The following LTBP2 variants were observed in gnomAD, a reference collection of about 807,000 sequenced individuals.
LTBP2 encodes latent-transforming growth factor beta-binding protein 2.
Under a neutral mutation model 210.6 loss-of-function variants are expected in LTBP2, and 103 were observed. That is an observed-to-expected ratio of 0.49 (90% CI 0.42 to 0.58). The LOEUF (loss-of-function observed/expected upper bound fraction) is 0.58. LTBP2 is among the 20% of genes least tolerant of loss of function. The pLI, the probability that LTBP2 is intolerant of heterozygous loss-of-function variation, is 0.00. For missense variants in LTBP2, 2,313 were observed against 2,494.5 expected (o/e 0.93, Z 1.55); for synonymous variants, 1,007 against 1,015.0 (o/e 0.99, Z 0.15).
chr14:74,561,555 C>T (rs1237685948), intron 3 of LTBP2, among the ~76,000 whole-genome samples: 1 of 152,136 alleles, frequency 6.6e-6, no homozygotes, highest in Non-Finnish European at 1.5e-5. Flanking sequence ...AGTGGCCACT[C>T]TTTAAGAATG....
At chr14:74,502,536 G>T (rs760064438) in intron 34 of LTBP2, 117 bp downstream of exon 34, 3 of 1,441,890 alleles carry the variant, frequency 2.1e-6, no homozygotes, top group East Asian at 2.3e-5. Context: ...CTCTGGCTTG[G>T]TGTGTCTTTC....
chr14:74,564,343 ATT>A (rs1351869043), intron 3 of LTBP2, among the ~76,000 whole-genome samples: 3 of 4,156 alleles, frequency 7.2e-4, no homozygotes, highest in African/African-American at 1.4e-3. Flanking sequence ...ATATATATAT[ATT>A]TATATATATT....
rs989175208 is a variant in LTBP2 at position 74,524,700 on chromosome 14, C to T, written c.2530+424G>A. On this transcript the variant is annotated intron_variant, in intron 15 of 35. Transcript: ENST00000261978. ...TGAGAAATAGAACCATGTTCCTTCC[C>T]GAAAATCAGCCCTCCCCGTGGGCAG... is the stretch of plus-strand genomic sequence containing the variant. Among the ~76,000 whole-genome samples the T allele has an allele frequency of 2.0e-5, 3 of 152,174 alleles. 1 individual carries two copies. Among genetic ancestry groups the T allele is most frequent in the East Asian group, 1.9e-4 (1 of 5,186 alleles).
At chr14:74,514,100 T>C (rs1326872565) in intron 18 of LTBP2, among the ~76,000 whole-genome samples, 1 of 152,228 alleles carries the variant, frequency 6.6e-6, no homozygotes, top group Non-Finnish European at 1.5e-5. Context: ...AAGCAGATTC[T>C]ATTACCAGCT....
intron 8 of LTBP2, among the ~76,000 whole-genome samples, chr14:74,537,957 G>A (rs1338913533): frequency 1.3e-5 from 2 of 152,174 alleles, no homozygotes; most frequent in Non-Finnish European, 2.9e-5. Context: ...GTTTCACCAT[G>A]TTGGCCAGGC....
intron 3 of LTBP2, among the ~76,000 whole-genome samples, chr14:74,584,392 G>A (rs2088176212): frequency 6.6e-6 from 1 of 152,128 alleles, no homozygotes; most frequent in Non-Finnish European, 1.5e-5. Context: ...AATCCCACAA[G>A]CCAAAAGAGA....
At chr14:74,558,208 T>C (rs2139755613) in intron 3 of LTBP2, among the ~76,000 whole-genome samples, 1 of 152,280 alleles carries the variant, frequency 6.6e-6, no homozygotes, top group South Asian at 2.1e-4. Context: ...GAGACCAGCC[T>C]GACCAACAGA....
At chr14:74,527,914 A>T (rs879832735) in intron 12 of LTBP2, among the ~76,000 whole-genome samples, 13 of 152,178 alleles carry the variant, frequency 8.5e-5, no homozygotes, top group Non-Finnish European at 1.5e-4. Context: ...CCAATCACAT[A>T]GTTTGCTGGC....
At chr14:74,594,774 C>T (rs1310543732) in intron 2 of LTBP2, among the ~76,000 whole-genome samples, 1 of 152,226 alleles carries the variant, frequency 6.6e-6, no homozygotes, top group African/African-American at 2.4e-5. Flanking sequence ...TCCCCTAGCC[C>T]AGGGAATCCC....
intron 3 of LTBP2, among the ~76,000 whole-genome samples, chr14:74,579,958 A>C (rs138354860): frequency 1.8e-3 from 271 of 152,312 alleles, no homozygotes; most frequent in African/African-American, 6.1e-3. Flanking sequence ...GTATTTACTC[A>C]ATGCTACAAT....
intron 2 of LTBP2, among the ~76,000 whole-genome samples, chr14:74,587,258 T>C (rs2088219807): frequency 6.6e-6 from 1 of 151,954 alleles, no homozygotes; most frequent in South Asian, 2.1e-4. Flanking sequence ...ATTCAACAAA[T>C]AGCTGTTGAG....
chr14:74,569,221 G>A (rs1268876483), intron 3 of LTBP2, among the ~76,000 whole-genome samples: 1 of 151,934 alleles, frequency 6.6e-6, no homozygotes, highest in African/African-American at 2.4e-5. Flanking sequence ...GGGTGGCCAA[G>A]TCTGAACAAA....
chr14:74,585,591 T>C (rs1026313284), intron 3 of LTBP2, among the ~76,000 whole-genome samples: 1 of 152,154 alleles, frequency 6.6e-6, no homozygotes, highest in Non-Finnish European at 1.5e-5. Flanking sequence ...CCTCCTCAGC[T>C]TTCTTTCAGG....
chr14:74,506,274 A>C, intron 27 of LTBP2, 83 bp from the exon 28 acceptor site: 1 of 1,578,148 alleles, frequency 6.3e-7, no homozygotes, highest in Non-Finnish European at 8.7e-7. Context: ...CTGCCCCCAA[A>C]AGAAGCAGGC....
chr14:74,543,601 C>T (rs375058320), intron 8 of LTBP2, among the ~76,000 whole-genome samples: 128 of 152,054 alleles, frequency 8.4e-4, no homozygotes, highest in African/African-American at 2.9e-3. Context: ...GGCATGCTGG[C>T]CCACTGTCCC....
chr14:74,566,260 G>A (rs75471319), intron 3 of LTBP2, among the ~76,000 whole-genome samples: 2,032 of 152,300 alleles, frequency 0.013, 44 homozygotes, highest in African/African-American at 0.047. Context: ...AGGGCAGAGG[G>A]GGCCTAGGGA....
At position 74,511,269 on chromosome 14, in the gene LTBP2, G is replaced by A. The variant is rs763126898; in HGVS notation, c.3004C>T (p.Arg1002Trp). 13 of 1,613,908 alleles carry A rather than the reference G, an allele frequency of 8.1e-6. No homozygotes were observed. The highest frequency in any genetic ancestry group is 1.7e-5 in the Admixed American group (1 of 60,012). The stretch of plus-strand genomic sequence containing the variant: ...CCTACACAGCTCCCACTCTGGCCCC[G>A]GTAGCCCTCCTCACAGGCCAGACAA... ...YTCLACEEGYRGQSGSCVDVN... is the reference protein window; with the variant it reads ...YTCLACEEGYWGQSGSCVDVN... The change falls in exon 19 of 36, where the codon CGG becomes TGG. Residue 1002 changes from arginine (R) to tryptophan (W), a missense_variant. Coordinates refer to ENST00000261978, the MANE Select transcript of LTBP2 (RefSeq NM_000428.3).
chr14:74,562,047 TA>T (rs1948973308), intron 3 of LTBP2, among the ~76,000 whole-genome samples: 1 of 151,924 alleles, frequency 6.6e-6, no homozygotes, highest in African/African-American at 2.4e-5. Flanking sequence ...CTGTCTCTAC[TA>T]AAAATACAAA....
At chr14:74,592,884 C>G (rs1184276994) in intron 2 of LTBP2, among the ~76,000 whole-genome samples, 3 of 152,128 alleles carry the variant, frequency 2.0e-5, no homozygotes, top group Non-Finnish European at 4.4e-5. Context: ...TGTGACGAAG[C>G]CTCCTCGCTT....
Sources: allele counts gnomAD v4.1 joint callset (sites outside exome capture counted in the v4.1 genomes callset), GRCh38; gene constraint gnomAD v4.1.1; transcripts MANE v1.5; gene names NCBI Gene and HGNC (gene_info 2026-07-23, HGNC 2026-07-21).